The following DEPTOR variants were observed in gnomAD, a reference collection of about 807,000 sequenced individuals.
DEPTOR encodes DEP domain-containing mTOR-interacting protein.
A neutral mutation model predicts 41.6 loss-of-function variants in DEPTOR; 41 were observed. That is an observed-to-expected ratio of 0.98 (90% CI 0.77 to 1.28). The LOEUF is 1.28. Ranked by LOEUF, DEPTOR falls within the 50% of genes most tolerant of loss-of-function variation. The probability of loss-of-function intolerance (pLI) is 0.00; values close to 1 mark genes in which losing one functional copy is unlikely to be tolerated. For synonymous variants in DEPTOR, 195 were observed against 192.3 expected (o/e 1.01, Z -0.12); for missense variants, 514 against 527.9 (o/e 0.97, Z 0.26).
intron 3 of DEPTOR, among the ~76,000 whole-genome samples, chr8:119,961,381 A>C (rs968870322): frequency 8.9e-5 from 13 of 146,166 alleles, no homozygotes; most frequent in South Asian, 4.3e-4. Flanking sequence ...GCATCATTGC[A>C]CTCCAGCCTG....
chr8:120,030,497 G>GTTTTTTTTTTTGTTTTTTTTTTT (rs1812871335), intron 8 of DEPTOR, among the ~76,000 whole-genome samples: 6 of 46,214 alleles, frequency 1.3e-4, no homozygotes, highest in Non-Finnish European at 1.9e-4. Flanking sequence ...AGGTTCATCA[G>GTTTTTTTTTTTGTTTTTTTTTTT]TTTTTTTTTT....
chr8:119,934,144 G>T (rs977568011), intron 3 of DEPTOR, among the ~76,000 whole-genome samples: 1 of 152,222 alleles, frequency 6.6e-6, no homozygotes, highest in African/African-American at 2.4e-5. Context: ...GACTCCCAAA[G>T]TGTTGGGATT....
At chr8:119,929,771 C>T (rs538952621) in intron 2 of DEPTOR, 44 bp from the exon 3 acceptor site, 18 of 1,559,938 alleles carry the variant, frequency 1.2e-5, no homozygotes, top group East Asian at 4.6e-5. Flanking sequence ...TAAATAAGAG[C>T]GATTTTTTTT....
rs1043643073 is a variant in DEPTOR, at chr8:119,932,915, G to T, written c.425+2977G>T. On this transcript the variant is annotated intron_variant, in intron 3 of 8. Coordinates refer to ENST00000286234, the MANE Select transcript of DEPTOR (RefSeq NM_022783.4). ...GATAAAGGCTTTGAGATGGGAATGT[G>T]CTGGACATATTTAAGGGCAGTAATG... is the stretch of plus-strand genomic sequence containing the variant. Among the ~76,000 whole-genome samples the T allele has an allele frequency of 2.0e-5, 3 of 152,142 alleles. No homozygotes were observed. In the South Asian group the frequency reaches 6.2e-4, roughly 32 times the overall value.
intron 8 of DEPTOR, among the ~76,000 whole-genome samples, chr8:120,028,552 A>AGT: frequency 7.0e-6 from 1 of 143,446 alleles, no homozygotes; most frequent in East Asian, 2.1e-4. Context: ...TCCCCCTTCC[A>AGT]GTGAATCAAG....
chr8:120,038,447 T>C (rs1262083060), intron 8 of DEPTOR, among the ~76,000 whole-genome samples: 4 of 151,084 alleles, frequency 2.6e-5, no homozygotes, highest in African/African-American at 9.7e-5. Flanking sequence ...AAAACTTAGC[T>C]TGGCATGAAT....
In DEPTOR at chr8:119,945,875, C is replaced by T. The variant is rs571504019; in HGVS notation, c.425+15937C>T. ...AGAGCAGCAACGGGGTTGGGGCCTT[C>T]TGAGAGAAGAGGCACGTATTGAAGT... On this transcript the variant is annotated intron_variant, in intron 3 of 8. Coordinates refer to ENST00000286234, the MANE Select transcript of DEPTOR (RefSeq NM_022783.4). Among the ~76,000 whole-genome samples the T allele has an allele frequency of 2.0e-5, 3 of 152,260 alleles. No individual in the cohort carries two copies. In the East Asian group the frequency reaches 5.8e-4, roughly 29 times the overall value.
At chr8:119,987,800 T>G (rs1828848665) in intron 4 of DEPTOR, among the ~76,000 whole-genome samples, 1 of 152,168 alleles carries the variant, frequency 6.6e-6, no homozygotes, top group Non-Finnish European at 1.5e-5. Flanking sequence ...AACTTGCTGG[T>G]GGCCTTGTTT....
chr8:119,885,109 C>T (rs2129688905), intron 1 of DEPTOR, among the ~76,000 whole-genome samples: 1 of 152,240 alleles, frequency 6.6e-6, no homozygotes, highest in African/African-American at 2.4e-5. Context: ...TTTCTTTCTC[C>T]TTTCCCAAGA....
intron 4 of DEPTOR, among the ~76,000 whole-genome samples, chr8:119,991,030 T>TTTTCTTTTTCTTTCTTTC (rs1812150925): frequency 7.1e-4 from 38 of 53,676 alleles, no homozygotes; most frequent in Admixed American, 1.4e-3. Context: ...TCGGGTTTTC[T>TTTTCTTTTTCTTTCTTTC]TTTCTTTCTT....
At chr8:119,896,034 C>T (rs1247465726) in intron 1 of DEPTOR, among the ~76,000 whole-genome samples, 2 of 150,682 alleles carry the variant, frequency 1.3e-5, no homozygotes, top group African/African-American at 2.4e-5. Context: ...TAATTTATTC[C>T]TTGGGAGTAG....
At chr8:119,968,241 A>G (rs1057227720) in intron 4 of DEPTOR, among the ~76,000 whole-genome samples, 1 of 152,224 alleles carries the variant, frequency 6.6e-6, no homozygotes, top group South Asian at 2.1e-4. Context: ...TTAACTTATT[A>G]ATAAATAAAC....
At chr8:119,917,513 A>G (rs2129808587) in intron 1 of DEPTOR, among the ~76,000 whole-genome samples, 1 of 152,342 alleles carries the variant, frequency 6.6e-6, no homozygotes, top group African/African-American at 2.4e-5. Flanking sequence ...TGTTAAACAA[A>G]TGCTTGAAGG....
At chr8:119,958,095 A>G (rs1453638722) in intron 3 of DEPTOR, among the ~76,000 whole-genome samples, 1 of 152,218 alleles carries the variant, frequency 6.6e-6, no homozygotes, top group Non-Finnish European at 1.5e-5. Flanking sequence ...AAAACAAGTC[A>G]TACTAAGATT....
intron 8 of DEPTOR, among the ~76,000 whole-genome samples, chr8:120,012,525 CTTTGTTTTTGTT>C (rs909016375): frequency 3.3e-5 from 5 of 151,628 alleles, no homozygotes; most frequent in Non-Finnish European, 7.4e-5. Flanking sequence ...TTAAAGCATT[CTTTGTTTTTGTT>C]TTTGTTTTTG....
chr8:119,931,080 T>C (rs185637284), intron 3 of DEPTOR, among the ~76,000 whole-genome samples: 1 of 151,926 alleles, frequency 6.6e-6, no homozygotes, highest in East Asian at 1.9e-4. Context: ...ACCATGGTGG[T>C]GAGTGCCTGT....
In DEPTOR at chr8:120,029,222, A is replaced by G. The variant is rs553823357; in HGVS notation, c.1101+20089A>G. 3.9e-5 allele frequency among the ~76,000 whole-genome samples: 6 copies of G among 152,252 alleles called. No homozygotes were observed. The East Asian group carries it at 1.2e-3, about 29-fold the overall frequency. ...TTCATGTACCATACCTAGTGAAGGT[A>G]CCCATGAATGGCTTTGGTCTTGTAT... is the stretch of plus-strand genomic sequence containing the variant. On this transcript the variant is annotated intron_variant, in intron 8 of 8. Transcript: ENST00000286234.
chr8:119,977,515 T>G (rs1828711825), intron 4 of DEPTOR, among the ~76,000 whole-genome samples: 1 of 152,200 alleles, frequency 6.6e-6, no homozygotes, highest in African/African-American at 2.4e-5. Flanking sequence ...TTTCTGGGCA[T>G]TTTCCCACTG....
At chr8:119,905,976 A>G (rs1827657961) in intron 1 of DEPTOR, among the ~76,000 whole-genome samples, 1 of 152,118 alleles carries the variant, frequency 6.6e-6, no homozygotes, top group Non-Finnish European at 1.5e-5. Flanking sequence ...ATTTATTTTT[A>G]CAGAGACAGC....
Sources: gnomAD v4.1 joint callset for allele counts (sites outside exome capture counted in the v4.1 genomes callset) on GRCh38, gnomAD v4.1.1 for gene constraint, MANE v1.5 for transcripts, NCBI Gene and HGNC (gene_info 2026-07-23, HGNC 2026-07-21) for gene names.